BMP5: variants seen among roughly 807,000 people sequenced by gnomAD.
BMP5 encodes the protein bone morphogenetic protein 5.
A neutral mutation model predicts 46.6 loss-of-function variants in BMP5; 23 were observed. That is an observed-to-expected ratio of 0.49 (90% CI 0.35 to 0.70). BMP5 has a LOEUF of 0.70. Ranked by LOEUF, BMP5 falls within the 30% of genes least tolerant of loss-of-function variation. BMP5 has a pLI of 0.00. For synonymous variants in BMP5, 204 were observed against 191.9 expected, an observed-to-expected ratio of 1.06 and a Z score of -0.52; for missense variants, 545 against 565.6, an observed-to-expected ratio of 0.96 and a Z score of 0.37.
chr6:55,843,802 GT>G (rs1777026359), intron 1 of BMP5, among the ~76,000 whole-genome samples: 1 of 152,008 alleles, frequency 6.6e-6, no homozygotes, highest in South Asian at 2.1e-4. Flanking sequence ...TTATATGCAG[GT>G]TTGCCTGACT....
At chr6:55,828,657 AT>A (rs1198432331) in intron 1 of BMP5, among the ~76,000 whole-genome samples, 1 of 151,766 alleles carries the variant, frequency 6.6e-6, no homozygotes, top group African/African-American at 2.4e-5. Flanking sequence ...GGAACATTTT[AT>A]TTAGAAAAAA....
intron 2 of BMP5, among the ~76,000 whole-genome samples, chr6:55,810,526 AACAAGCAAAAAGGACATGAGGCTATTAC>A (rs1776104134): frequency 6.6e-6 from 1 of 152,196 alleles, no homozygotes; most frequent in South Asian, 2.1e-4. Flanking sequence ...CCCCTCATTC[AACAAGCAAAAAGGACATGAGGCTATTAC>A]ACAGACAGTT....
Position 55,794,378 on chromosome 6 carries a change from C to T in BMP5, c.733G>A (p.Val245Met). 2.5e-6 allele frequency: 4 copies of T among 1,614,032 alleles called. No homozygotes were observed. Among genetic ancestry groups the T allele is most frequent in the African/African-American group, 1.3e-5 (1 of 75,064 alleles). Residue 245 changes from valine to methionine, a missense_variant, in exon 3 of 7, where the codon GTG becomes ATG. Physicochemically the swap from Val to Met is conservative, Grantham distance 21 (BLOSUM62 1). Coordinates refer to ENST00000370830, the MANE Select transcript of BMP5 (RefSeq NM_021073.4). The part of the protein sequence containing the change: ...LDTRKAQALD[V>M]GWLVFDITVT... ...GTGATATCAAAGACAAGCCAACCCA[C>T]ATCTAAAGCTTGGGCCTTTCTTGTG...
At chr6:55,826,052 C>T (rs1453316643) in intron 1 of BMP5, among the ~76,000 whole-genome samples, 1 of 151,796 alleles carries the variant, frequency 6.6e-6, no homozygotes, top group African/African-American at 2.4e-5. Context: ...AGATATCCTT[C>T]GCTAACTAGT....
intron 2 of BMP5, among the ~76,000 whole-genome samples, chr6:55,798,311 C>T (rs946615642): frequency 1.3e-5 from 2 of 152,116 alleles, no homozygotes; most frequent in African/African-American, 4.8e-5. Flanking sequence ...ACCCATAATA[C>T]TAATACTAAT....
At chr6:55,792,947 C>A (rs1253482138) in intron 3 of BMP5, among the ~76,000 whole-genome samples, 1 of 152,014 alleles carries the variant, frequency 6.6e-6, no homozygotes, top group Non-Finnish European at 1.5e-5. Context: ...AATTATCCTC[C>A]CTGTCCCTGG....
At chr6:55,787,588 A>T (rs913193340) in intron 3 of BMP5, among the ~76,000 whole-genome samples, 4 of 151,660 alleles carry the variant, frequency 2.6e-5, no homozygotes, top group Non-Finnish European at 5.9e-5. Flanking sequence ...GGAATGAAAA[A>T]CAACCCAATG....
chr6:55,858,797 T>C (rs963092932), intron 1 of BMP5, among the ~76,000 whole-genome samples: 1 of 152,174 alleles, frequency 6.6e-6, no homozygotes, highest in Non-Finnish European at 1.5e-5. Context: ...TGGAATACTA[T>C]GCAGCCATAA....
intron 4 of BMP5, among the ~76,000 whole-genome samples, chr6:55,766,070 C>T (rs922864998): frequency 2.0e-5 from 3 of 152,032 alleles, no homozygotes; most frequent in Non-Finnish European, 1.5e-5. Flanking sequence ...TTCATTTTTC[C>T]CCTCTGATCC....
At chr6:55,783,334 T>C (rs953302821) in intron 3 of BMP5, among the ~76,000 whole-genome samples, 2 of 152,068 alleles carry the variant, frequency 1.3e-5, no homozygotes, top group Non-Finnish European at 2.9e-5. Context: ...CCACTTCCAA[T>C]ATATACTACT....
intron 3 of BMP5, among the ~76,000 whole-genome samples, chr6:55,793,282 C>A (rs749844665): frequency 3.9e-5 from 6 of 152,194 alleles, no homozygotes; most frequent in Non-Finnish European, 8.8e-5. Flanking sequence ...TGCCCCCCAA[C>A]TTCTTCCCCT....
chr6:55,786,237 G>T (rs988346588), intron 3 of BMP5, among the ~76,000 whole-genome samples: 1 of 151,596 alleles, frequency 6.6e-6, no homozygotes, highest in African/African-American at 2.4e-5. Context: ...TACATATAGT[G>T]TTTTTTTATA....
At chr6:55,764,607 A>G (rs1436921130) in intron 4 of BMP5, among the ~76,000 whole-genome samples, 1 of 151,648 alleles carries the variant, frequency 6.6e-6, no homozygotes, top group Non-Finnish European at 1.5e-5. Flanking sequence ...AAAGAAAGAA[A>G]AGAAAAAAAA....
At position 55,875,023 on chromosome 6, in the gene BMP5, G is replaced by T; in HGVS notation, c.-158C>A. The T allele has an allele frequency of 1.3e-6, 1 of 766,180 alleles. No individual in the cohort carries two copies. The highest frequency in any genetic ancestry group is 1.8e-5 in the South Asian group (1 of 55,040). 47.5% of individuals were successfully genotyped at this position (766,180 alleles called of 1,614,324 possible). ...CATTTCTGAGCACAACATCCTCACC[G>T]ATTTTCCTGTCCTATTTTAAATATT... is the stretch of plus-strand genomic sequence containing the variant. On this transcript the variant is annotated 5_prime_UTR_variant, in exon 1 of 7. Coordinates refer to ENST00000370830, the MANE Select transcript of BMP5 (RefSeq NM_021073.4).
At chr6:55,811,856 T>G (rs1419435727) in intron 2 of BMP5, among the ~76,000 whole-genome samples, 1 of 152,188 alleles carries the variant, frequency 6.6e-6, no homozygotes, top group East Asian at 1.9e-4. Context: ...TTCTCTTCAT[T>G]TCTATTTCCA....
At chr6:55,770,611 A>C (rs1252406425) in intron 4 of BMP5, among the ~76,000 whole-genome samples, 1 of 151,974 alleles carries the variant, frequency 6.6e-6, no homozygotes, top group Admixed American at 6.6e-5. Flanking sequence ...TTGCAGTCAC[A>C]ACTTGACAAC....
intron 2 of BMP5, among the ~76,000 whole-genome samples, chr6:55,795,778 C>T (rs946128589): frequency 6.6e-6 from 1 of 152,036 alleles, no homozygotes; most frequent in Non-Finnish European, 1.5e-5. Context: ...ATTGTCTTTT[C>T]ACAATTACAG....
rs1774562283 is a variant in BMP5, at chr6:55,755,428, G to T, written c.*105C>A. The T allele has an allele frequency of 1.8e-6, 2 of 1,102,106 alleles. No homozygotes were observed. Among genetic ancestry groups the T allele is most frequent in the Non-Finnish European group, 2.7e-6 (2 of 745,344 alleles). 68.3% of individuals were successfully genotyped at this position (1,102,106 alleles called of 1,614,324 possible). ...GTACATAGGAAAAGAGTCAAAATGA[G>T]CCAGACTAATTTTAGGAAATTCCCC... On this transcript the variant is annotated 3_prime_UTR_variant, in exon 7 of 7. Coordinates refer to ENST00000370830, the MANE Select transcript of BMP5 (RefSeq NM_021073.4).
At chr6:55,842,218 A>T (rs1177301395) in intron 1 of BMP5, among the ~76,000 whole-genome samples, 2 of 152,102 alleles carry the variant, frequency 1.3e-5, no homozygotes, top group African/African-American at 4.8e-5. Context: ...CTTAGAGCGG[A>T]TCTATTTCAG....
Sources: allele counts gnomAD v4.1 joint callset (sites outside exome capture counted in the v4.1 genomes callset), GRCh38; gene constraint gnomAD v4.1.1; transcripts MANE v1.5; gene names NCBI Gene and HGNC (gene_info 2026-07-23, HGNC 2026-07-21).